VPS51: variants seen among roughly 807,000 people sequenced by gnomAD.
The protein encoded by VPS51 is vacuolar protein sorting-associated protein 51 homolog.
Under a neutral mutation model 65.1 loss-of-function variants are expected in VPS51, and 55 were observed. That is an observed-to-expected ratio of 0.84 (90% CI 0.68 to 1.06). The LOEUF is 1.06. Ranked by LOEUF, VPS51 falls within the 50% of genes least tolerant of loss-of-function variation. VPS51 has a pLI of 0.00. For synonymous variants in VPS51, 473 were observed against 489.5 expected, an observed-to-expected ratio of 0.97 and a Z score of 0.44; for missense variants, 943 against 1,101.6, an observed-to-expected ratio of 0.86 and a Z score of 2.04.
rs1012324456 is a variant in VPS51 at position 65,096,574 on chromosome 11, T to G, written c.228+96T>G. 2.3e-5 allele frequency: 26 copies of G among 1,147,212 alleles called. No individual in the cohort carries two copies. In the African/African-American group the frequency reaches 3.9e-4, roughly 17 times the overall value. The allele number at this position is 1,147,212 out of a possible 1,614,324, so 71.1% of individuals were successfully genotyped here. ...CCCAGATCATGCCTCCGACTTTTTG[T>G]GAGGTTCAGGAGAGCAGGTGTTCAT... On this transcript the variant is annotated intron_variant, in intron 1 of 9. Coordinates refer to ENST00000279281, the MANE Select transcript of VPS51 (RefSeq NM_013265.4).
intron 5 of VPS51, 42 bp from the exon 6 acceptor site, chr11:65,109,238 G>C (rs1029033960): frequency 6.3e-7 from 1 of 1,588,686 alleles, no homozygotes; most frequent in African/African-American, 1.3e-5. Context: ...GCCTTACCTG[G>C]AAGAGGGGAC....
chr11:65,096,916 C>G, intron 1 of VPS51, 82 bp from the exon 2 acceptor site: 1 of 1,568,052 alleles, frequency 6.4e-7, no homozygotes, highest in Non-Finnish European at 8.7e-7. Context: ...AGATTTCTTG[C>G]CCTGAAAGCC....
Position 65,109,861 on chromosome 11 carries a change from C to T in VPS51, c.1816C>T (p.Pro606Ser), listed in dbSNP as rs1418870280. The T allele has an allele frequency of 1.9e-6, 3 of 1,611,704 alleles. No individual in the cohort carries two copies. Among genetic ancestry groups the T allele is most frequent in the African/African-American group, 2.7e-5 (2 of 74,940 alleles). ...TCGCGACTGGCTCAGCACTCTGGAG[C>T]CCCGGAATGTGCGGGCCGTCATGAA... The part of the protein sequence containing the change: ...ETRDWLSTLE[P>S]RNVRAVMKRV... The change falls in exon 7 of 10, where the codon CCC (proline) becomes TCC (serine). Residue 606 changes from proline to serine, a missense_variant. Around this residue, in one of 2 missense-constraint regions of VPS51, gnomAD observed 855 missense variants for 953.7 expected, o/e 0.90. Transcript: ENST00000279281.
At chr11:65,099,659 A>G (rs1402944029) in intron 2 of VPS51, among the ~76,000 whole-genome samples, 1 of 152,046 alleles carries the variant, frequency 6.6e-6, no homozygotes, top group Non-Finnish European at 1.5e-5. Context: ...GTATGGTGGC[A>G]CACACTTGTT....
At chr11:65,096,972 G>T (rs1394481069) in intron 1 of VPS51, 26 bp from the exon 2 acceptor site, 1 of 1,612,086 alleles carries the variant, frequency 6.2e-7, no homozygotes, top group Non-Finnish European at 8.5e-7. Flanking sequence ...CTCCTGACCC[G>T]AACACTAACC....
intron 4 of VPS51, 87 bp downstream of exon 4, chr11:65,108,109 C>T: frequency 6.5e-7 from 1 of 1,532,240 alleles, no homozygotes; most frequent in Non-Finnish European, 8.7e-7. Flanking sequence ...GGAGCTGTCC[C>T]CCTGCCCTGT....
rs1431920141 is a variant in VPS51, at chr11:65,108,921, C to T, written c.1443+7C>T. On this transcript the variant is annotated splice_region_variant and intron_variant, in intron 5 of 9. Transcript: ENST00000279281. ...CAACAAGCCCTACTTCCGGGTACGC[C>T]TCCTCTTGGGTGTTCCTTGTTCAAC... The T allele has an allele frequency of 1.2e-6, 2 of 1,612,744 alleles. No homozygotes were observed. The highest frequency in any genetic ancestry group is 1.7e-6 in the Non-Finnish European group (2 of 1,179,786).
chr11:65,111,629 G>T lies in VPS51; in HGVS notation c.*42G>T. 6.4e-7 allele frequency: 1 copy of T among 1,564,658 alleles called. No homozygotes were observed. Among genetic ancestry groups the T allele is most frequent in the South Asian group, 1.1e-5 (1 of 87,444 alleles). On this transcript the variant is annotated 3_prime_UTR_variant, in exon 10 of 10. Coordinates refer to ENST00000279281, the MANE Select transcript of VPS51 (RefSeq NM_013265.4). ...GCACCGGTCTGTCCCTGCACCCCAT[G>T]GCACCCAGGATCTGGTCTCGGTGGT...
At chr11:65,099,536 G>A (rs1033108886) in intron 2 of VPS51, among the ~76,000 whole-genome samples, 1 of 152,108 alleles carries the variant, frequency 6.6e-6, no homozygotes, top group African/African-American at 2.4e-5. Context: ...GCTCATGCCT[G>A]TAATCCCTGC....
chr11:65,096,518 G>GGGGGGGGGGGGC, intron 1 of VPS51, 40 bp downstream of exon 1: 4 of 499,406 alleles, frequency 8.0e-6, no homozygotes, highest in Admixed American at 7.4e-5. Flanking sequence ...GGGGAGGGGG[G>GGGGGGGGGGGGC]AAGGGAACCA....
At chr11:65,101,758 G>T (rs1469391231) in intron 2 of VPS51, among the ~76,000 whole-genome samples, 9 of 71,720 alleles carry the variant, frequency 1.3e-4, no homozygotes, top group South Asian at 1.1e-3. Flanking sequence ...GCCAGACCTT[G>T]TCTCAAAAAA....
Position 65,109,430 on chromosome 11 carries a change from C to A in VPS51, c.1594C>A (p.Leu532Met). The A allele has an allele frequency of 6.2e-7, 1 of 1,610,398 alleles. No individual in the cohort carries two copies. The highest frequency in any genetic ancestry group is 1.1e-5 in the South Asian group (1 of 91,088). The stretch of plus-strand genomic sequence containing the variant: ...GCTCCTGCTGCTCTCCCGCCTCTGC[C>A]TGGACTACGAGACGGCCACCATCTC... ...ALLLLLSRLC[L>M]DYETATISYI... The change falls in exon 6 of 10, where the codon CTG (leucine) becomes ATG (methionine). Residue 532 changes from leucine (L) to methionine (M), a missense_variant. Physicochemically the swap from Leu to Met is conservative, Grantham distance 15 (BLOSUM62 2). Coordinates refer to ENST00000279281, the MANE Select transcript of VPS51 (RefSeq NM_013265.4).
At chr11:65,110,966 C>CT (rs2137195983) in intron 9 of VPS51, 185 bp downstream of exon 9, 1 of 712,746 alleles carries the variant, frequency 1.4e-6, no homozygotes, top group African/African-American at 1.8e-5. Flanking sequence ...TCCCACAGCC[C>CT]TTGTCCCAGT....
chr11:65,105,137 C>T (rs557319541), intron 2 of VPS51, among the ~76,000 whole-genome samples: 7 of 152,162 alleles, frequency 4.6e-5, no homozygotes, highest in African/African-American at 1.2e-4. Context: ...CGGTGGCTCC[C>T]GCCTGTAATC....
At chr11:65,103,271 A>T (rs1302969903) in intron 2 of VPS51, among the ~76,000 whole-genome samples, 1 of 152,184 alleles carries the variant, frequency 6.6e-6, no homozygotes, top group Non-Finnish European at 1.5e-5. Flanking sequence ...AATAATTATG[A>T]TTTCCCCAAC....
At chr11:65,096,509 G>A in intron 1 of VPS51, 31 bp downstream of exon 1, 3 of 1,124,908 alleles carry the variant, frequency 2.7e-6, no homozygotes, top group South Asian at 1.5e-5. Context: ...GGGGGGTGCG[G>A]GGAGGGGGGA....
chr11:65,099,630 GA>G lies in VPS51; in HGVS notation c.358+2514del, dbSNP rs547935819. On this transcript the variant is annotated intron_variant, in intron 2 of 9. Transcript: ENST00000279281. Reference sequence around the variant, plus strand: ...GCAACATAGTGAGACCCGATATCTAGAAAAAAAAAAATAGCTGGGTATGGTG... The same window carrying G: ...GCAACATAGTGAGACCCGATATCTAGAAAAAAAAAATAGCTGGGTATGGTG... Among the ~76,000 whole-genome samples the G allele has an allele frequency of 2.2e-3, 327 of 145,926 alleles. 1 individual carries two copies. The highest frequency in any genetic ancestry group is 3.1e-3 in the Non-Finnish European group (207 of 66,096).
chr11:65,096,570 T>C, intron 1 of VPS51, 92 bp downstream of exon 1: 1 of 1,161,076 alleles, frequency 8.6e-7, no homozygotes, highest in South Asian at 1.6e-5. Context: ...CCTCCGACTT[T>C]TTGTGAGGTT....
rs1198091788 is a variant in VPS51 at position 65,107,672 on chromosome 11, C to T, written c.450C>T (p.Ser150=). ...ACATGGCAGTGATCACCGACTTCAG[C>T]GCTCGCATCAGCGCCACGCTGCAGG... ...ATNMAVITDF[S]ARISATLQDR... is the part of the protein sequence containing the mutation. The change falls in exon 3 of 10, where the codon AGC becomes AGT. Residue 150 remains serine (S), a synonymous_variant. Coordinates refer to ENST00000279281, the MANE Select transcript of VPS51 (RefSeq NM_013265.4). The surrounding 1 kb of genome is among the most constrained non-coding windows in gnomAD (Gnocchi z 4.0). The T allele has an allele frequency of 6.2e-7, 1 of 1,610,234 alleles. No individual in the cohort carries two copies. The highest frequency in any genetic ancestry group is 1.1e-5 in the South Asian group (1 of 91,004).
Sources: allele counts gnomAD v4.1 joint callset (sites outside exome capture counted in the v4.1 genomes callset), GRCh38; gene constraint gnomAD v4.1.1; regional missense constraint gnomAD v4.1.1; non-coding constraint Gnocchi (gnomAD v3.1); transcripts MANE v1.5; gene names NCBI Gene and HGNC (gene_info 2026-07-23, HGNC 2026-07-21).